MTHFD1: variants seen among roughly 807,000 people sequenced by gnomAD.
MTHFD1 encodes the protein methylenetetrahydrofolate dehydrogenase, cyclohydrolase and formyltetrahydrofolate synthetase 1.
MTHFD1 carries 44 observed loss-of-function variants against 110.3 expected under a neutral mutation model. That is an observed-to-expected ratio of 0.40 (90% CI 0.31 to 0.51). MTHFD1 has a LOEUF of 0.51. Among genes scored for constraint, MTHFD1 ranks in the 20% least tolerant of loss-of-function variants. The pLI, the probability that MTHFD1 is intolerant of heterozygous loss-of-function variation, is 0.60. For synonymous variants in MTHFD1, 402 were observed against 428.8 expected (o/e 0.94, Z 0.77); for missense variants, 909 against 1,173.1 (o/e 0.77, Z 3.29).
At chr14:64,422,999 A>G (rs2140961758) in intron 8 of MTHFD1, 1 of 152,310 alleles carries the variant, frequency 6.6e-6, no homozygotes, top group East Asian at 1.9e-4. Flanking sequence ...AACGAAAATG[A>G]CTAACATTAA....
chr14:64,423,156 G>A (rs1391385173), intron 8 of MTHFD1, among the ~76,000 whole-genome samples: 2 of 152,106 alleles, frequency 1.3e-5, no homozygotes, highest in African/African-American at 4.8e-5. Context: ...CTGCCAGTTT[G>A]CTGCTTTATA....
In MTHFD1 at chr14:64,435,639, A is replaced by G. The variant is rs1325936790; in HGVS notation, c.1565A>G (p.Asp522Gly). 8 of 1,612,490 alleles carry G rather than the reference A, an allele frequency of 5.0e-6. No individual in the cohort carries two copies. The highest frequency in any genetic ancestry group is 6.8e-6 in the Non-Finnish European group (8 of 1,178,638). ...GAGATAAACAGATTTGCAAGATTGG[A>G]CATTGATCCAGAAACCATAACTTGG... The part of the protein sequence containing the change: ...DEEINRFARL[D>G]IDPETITWQR... The change falls in exon 16 of 28, where the codon GAC becomes GGC. Residue 522 changes from aspartate (D) to glycine (G), a missense_variant. By Grantham distance (94) the Asp-to-Gly change is moderately conservative. Coordinates refer to ENST00000652337, the MANE Select transcript of MTHFD1 (RefSeq NM_005956.4).
intron 2 of MTHFD1, among the ~76,000 whole-genome samples, chr14:64,409,212 G>A (rs1190206316): frequency 6.6e-6 from 1 of 152,324 alleles, no homozygotes; most frequent in Non-Finnish European, 1.5e-5. Flanking sequence ...CAACATCTCC[G>A]AAGGAAAATG....
At chr14:64,410,195 G>A (rs974836631) in intron 2 of MTHFD1, among the ~76,000 whole-genome samples, 2 of 152,108 alleles carry the variant, frequency 1.3e-5, no homozygotes, top group African/African-American at 2.4e-5. Flanking sequence ...TTTAGCCTCT[G>A]CACTACAAGT....
At chr14:64,419,958 G>C (rs1403320361) in intron 8 of MTHFD1, 33 bp downstream of exon 8, 1 of 1,446,242 alleles carries the variant, frequency 6.9e-7, no homozygotes, top group Non-Finnish European at 9.7e-7. Context: ...GGTGGCTGCT[G>C]GTATTGAGGA....
chr14:64,416,405 G>A (rs183828304), intron 6 of MTHFD1, among the ~76,000 whole-genome samples: 36 of 152,232 alleles, frequency 2.4e-4, no homozygotes, highest in African/African-American at 8.4e-4. Flanking sequence ...AGTTTAAAAG[G>A]ATATGAAGTG....
chr14:64,403,214 T>C (rs1173455759), intron 2 of MTHFD1, among the ~76,000 whole-genome samples: 13 of 151,826 alleles, frequency 8.6e-5, no homozygotes, highest in Non-Finnish European at 1.5e-5. Context: ...CCCAGATTCA[T>C]GCAATTCTCC....
intron 7 of MTHFD1, chr14:64,419,226 T>C (rs908850700): frequency 2.8e-5 from 5 of 177,518 alleles, no homozygotes; most frequent in East Asian, 2.8e-4. Context: ...GGCACTCAGA[T>C]TGACCTCTGG....
intron 3 of MTHFD1, among the ~76,000 whole-genome samples, chr14:64,411,882 T>C (rs555185203): frequency 5.6e-4 from 84 of 151,142 alleles, no homozygotes; most frequent in Non-Finnish European, 9.7e-4. Context: ...GCCTGGGCAA[T>C]AAGAGTGAAG....
intron 23 of MTHFD1, chr14:64,449,233 C>G (rs1277219799): frequency 1.6e-6 from 1 of 626,938 alleles, no homozygotes; most frequent in Non-Finnish European, 2.9e-6. Context: ...TCGCGTATTA[C>G]CAGGGTGGAA....
At chr14:64,412,333 T>C in intron 3 of MTHFD1, 139 bp from the exon 4 acceptor site, 1 of 721,546 alleles carries the variant, frequency 1.4e-6, no homozygotes, top group South Asian at 1.5e-5. Context: ...TGGGTTGAAG[T>C]GAGGGACTCA....
At position 64,440,119 on chromosome 14, in the gene MTHFD1, C is replaced by T. The variant is rs773027208; in HGVS notation, c.1675-7C>T. 1.7e-5 allele frequency: 28 copies of T among 1,611,000 alleles called. No homozygotes were observed. The highest frequency in any genetic ancestry group is 2.3e-5 in the Non-Finnish European group (27 of 1,178,470). ...TTTTTGCTAGTACCTCTTTTCCCTG[C>T]CCACAGGCCCAGTTTGATATCTCTG... is the stretch of plus-strand genomic sequence containing the variant. On this transcript the variant is annotated splice_region_variant and splice_polypyrimidine_tract_variant and intron_variant, in intron 17 of 27. Coordinates refer to ENST00000652337, the MANE Select transcript of MTHFD1 (RefSeq NM_005956.4).
intron 26 of MTHFD1, 87 bp downstream of exon 26, chr14:64,454,962 G>A (rs745868218): frequency 2.9e-6 from 4 of 1,396,696 alleles, no homozygotes; most frequent in East Asian, 2.3e-5. Context: ...AATGCCAAGT[G>A]AGCAGAGTTC....
intron 21 of MTHFD1, among the ~76,000 whole-genome samples, chr14:64,443,061 T>A (rs1220087348): frequency 6.6e-6 from 1 of 152,216 alleles, no homozygotes; most frequent in South Asian, 2.1e-4. Flanking sequence ...CTGAAATCAT[T>A]TGAAAAACTA....
At chr14:64,449,136 C>T (rs2078331103) in intron 23 of MTHFD1, 1 of 419,242 alleles carries the variant, frequency 2.4e-6, no homozygotes, top group South Asian at 2.1e-5. Flanking sequence ...CTGATTCCTT[C>T]TGGAGTGCTG....
chr14:64,439,386 T>C, intron 17 of MTHFD1: 1 of 583,370 alleles, frequency 1.7e-6, no homozygotes, highest in South Asian at 2.0e-5. Context: ...TCCCCCGGCA[T>C]TTTTTCCTGG....
rs758847427 is a variant in MTHFD1, at chr14:64,426,179, G to A, written c.1114G>A (p.Val372Met). 6.8e-6 allele frequency: 11 copies of A among 1,614,006 alleles called. No homozygotes were observed. The highest frequency in any genetic ancestry group is 2.7e-5 in the African/African-American group (2 of 74,892). The part of the protein sequence containing the change: ...RLKHRPDGKY[V>M]VVTGITPTPL... ...GAAGCACCGGCCTGATGGGAAATAC[G>A]TGGTGGTGACTGGGTATGCTTTTTA... is the stretch of plus-strand genomic sequence containing the variant. The change falls in exon 11 of 28, where the codon GTG (valine) becomes ATG (methionine). Residue 372 changes from valine (V) to methionine (M), a missense_variant. Val to Met is a conservative substitution (Grantham distance 21). Around this residue, in one of 3 missense-constraint regions of MTHFD1, gnomAD observed 424 missense variants for 510.4 expected, o/e 0.83. Coordinates refer to ENST00000652337, the MANE Select transcript of MTHFD1 (RefSeq NM_005956.4).
At chr14:64,389,289 G>C (rs970886340) in intron 1 of MTHFD1, among the ~76,000 whole-genome samples, 1 of 152,198 alleles carries the variant, frequency 6.6e-6, no homozygotes, top group Non-Finnish European at 1.5e-5. Flanking sequence ...TACTGAGTTT[G>C]CTCTTGGGAC....
At chr14:64,403,768 A>C (rs1400040717) in intron 2 of MTHFD1, among the ~76,000 whole-genome samples, 1 of 151,536 alleles carries the variant, frequency 6.6e-6, no homozygotes, top group Non-Finnish European at 1.5e-5. Flanking sequence ...CTAGTCTCCA[A>C]CTCCTGGGCT....
Sources: gnomAD v4.1 joint callset for allele counts (sites outside exome capture counted in the v4.1 genomes callset) on GRCh38, gnomAD v4.1.1 for gene constraint, gnomAD v4.1.1 regional missense constraint, MANE v1.5 for transcripts, NCBI Gene and HGNC (gene_info 2026-07-23, HGNC 2026-07-21) for gene names.